Variants in PHLDB2 observed in about 807,000 individuals in gnomAD.
PHLDB2 encodes pleckstrin homology-like domain family B member 2.
In PHLDB2, 71 loss-of-function variants were observed where a neutral mutation model predicts 123.6. The ratio of observed to expected loss-of-function variants is 0.57; its 90% CI spans 0.47 to 0.70. The LOEUF (loss-of-function observed/expected upper bound fraction) is 0.70. Among genes scored for constraint, PHLDB2 ranks in the 30% least tolerant of loss-of-function variants. The pLI, the probability that PHLDB2 is intolerant of heterozygous loss-of-function variation, is 0.00. For missense variants in PHLDB2, 1,446 were observed against 1,519.5 expected (o/e 0.95, Z 0.80); for synonymous variants, 547 against 541.6 (o/e 1.01, Z -0.14).
chr3:111,782,191 G>A (rs1246161354), intron 1 of PHLDB2, among the ~76,000 whole-genome samples: 1 of 152,060 alleles, frequency 6.6e-6, no homozygotes, highest in Non-Finnish European at 1.5e-5. Context: ...CTAGAGATGG[G>A]TAATGACTGC....
intron 5 of PHLDB2, among the ~76,000 whole-genome samples, chr3:111,922,327 T>A (rs1436046327): frequency 2.6e-5 from 4 of 152,220 alleles, no homozygotes; most frequent in African/African-American, 9.6e-5. Context: ...CAATGTTAAA[T>A]CTCACTTCCC....
chr3:111,918,424 A>G (rs1334465509), intron 3 of PHLDB2, among the ~76,000 whole-genome samples: 1 of 152,250 alleles, frequency 6.6e-6, no homozygotes, highest in Non-Finnish European at 1.5e-5. Flanking sequence ...ATAGTGCACT[A>G]ACACAAAAGT....
At chr3:111,834,231 ATGTATATAATAGAAT>A (rs1559858273) in intron 1 of PHLDB2, among the ~76,000 whole-genome samples, 19 of 88,528 alleles carry the variant, frequency 2.1e-4, no homozygotes, top group South Asian at 7.7e-4. Flanking sequence ...TATATATATT[ATGTATATAATAGAAT>A]TATATATATA....
chr3:111,785,512 T>C (rs931568526), intron 1 of PHLDB2, among the ~76,000 whole-genome samples: 5 of 152,138 alleles, frequency 3.3e-5, no homozygotes, highest in African/African-American at 1.2e-4. Context: ...AATATAATAT[T>C]TTCCTCTAGT....
intron 2 of PHLDB2, among the ~76,000 whole-genome samples, chr3:111,903,607 C>T (rs1013139904): frequency 6.6e-6 from 1 of 152,118 alleles, no homozygotes; most frequent in Admixed American, 6.5e-5. Flanking sequence ...AGTTTTTAGG[C>T]GTGCTTGTTA....
intron 1 of PHLDB2, among the ~76,000 whole-genome samples, chr3:111,825,060 A>T (rs2062590869): frequency 6.6e-6 from 1 of 152,244 alleles, no homozygotes; most frequent in Non-Finnish European, 1.5e-5. Flanking sequence ...TAAACCCCTG[A>T]GAAGAAATTT....
At chr3:111,837,627 G>A (rs991993306) in intron 1 of PHLDB2, among the ~76,000 whole-genome samples, 4 of 152,138 alleles carry the variant, frequency 2.6e-5, no homozygotes, top group African/African-American at 4.8e-5. Context: ...AAACTCCTTA[G>A]TTTTTTTATG....
At chr3:111,926,336 G>A (rs1200146848) in intron 5 of PHLDB2, among the ~76,000 whole-genome samples, 1 of 152,164 alleles carries the variant, frequency 6.6e-6, no homozygotes, top group African/African-American at 2.4e-5. Context: ...GAAAGACAGT[G>A]AGCCTAGCCC....
chr3:111,855,240 A>G (rs138867539), upstream of PHLDB2, among the ~76,000 whole-genome samples: 912 of 152,322 alleles, frequency 6.0e-3, 8 homozygotes, highest in African/African-American at 0.02. Flanking sequence ...TAACCACTAC[A>G]GATCCTGGAG....
intron 6 of PHLDB2, among the ~76,000 whole-genome samples, chr3:111,934,711 T>C (rs1293104469): frequency 6.6e-6 from 1 of 152,200 alleles, no homozygotes; most frequent in Non-Finnish European, 1.5e-5. Context: ...GTAGTTGATA[T>C]GGGCACAGCA....
Position 111,788,964 on chromosome 3 carries a change from G to A in PHLDB2, c.-49+56261G>A, listed in dbSNP as rs181786358. On this transcript the variant is annotated intron_variant, in intron 1 of 17. Coordinates refer to the PHLDB2 transcript ENST00000393923. Reference sequence around the variant, plus strand: ...TCCATTTTCTTTCCTTGTTGGCAGAGGAAAAACATTGCAAGATCGTGGGTA... The same window carrying A: ...TCCATTTTCTTTCCTTGTTGGCAGAAGAAAAACATTGCAAGATCGTGGGTA... Among the ~76,000 whole-genome samples the A allele has an allele frequency of 5.9e-5, 9 of 152,258 alleles. No homozygotes were observed. In the East Asian group the frequency reaches 1.4e-3, roughly 23 times the overall value.
chr3:111,923,049 A>T (rs564571148), intron 5 of PHLDB2, among the ~76,000 whole-genome samples: 1 of 152,316 alleles, frequency 6.6e-6, no homozygotes, highest in African/African-American at 2.4e-5. Flanking sequence ...TTATCGATTA[A>T]CGATAAGCTA....
intron 1 of PHLDB2, among the ~76,000 whole-genome samples, chr3:111,837,643 A>G (rs2063478537): frequency 6.6e-6 from 1 of 152,208 alleles, no homozygotes; most frequent in African/African-American, 2.4e-5. Context: ...TTATGGGATC[A>G]TTCTGTTAAA....
intron 1 of PHLDB2, among the ~76,000 whole-genome samples, chr3:111,824,679 G>A (rs1424073346): frequency 1.3e-5 from 2 of 152,196 alleles, no homozygotes; most frequent in African/African-American, 2.4e-5. Flanking sequence ...ACCTAGAGCT[G>A]AAAAGCATCT....
intron 1 of PHLDB2, among the ~76,000 whole-genome samples, chr3:111,751,590 G>A (rs534509141): frequency 1.1e-4 from 16 of 149,910 alleles, no homozygotes; most frequent in African/African-American, 3.9e-4. Flanking sequence ...TGGAGACACA[G>A]CCCATGAATC....
At chr3:111,840,262 G>T (rs1452178621) in intron 1 of PHLDB2, among the ~76,000 whole-genome samples, 2 of 151,774 alleles carry the variant, frequency 1.3e-5, no homozygotes, top group East Asian at 3.9e-4. Flanking sequence ...AAAAAAATTT[G>T]TTTAATAAAA....
intron 1 of PHLDB2, among the ~76,000 whole-genome samples, chr3:111,809,807 A>T (rs1272030019): frequency 6.6e-6 from 1 of 152,190 alleles, no homozygotes; most frequent in Non-Finnish European, 1.5e-5. Flanking sequence ...AATAGTCATG[A>T]TGTAATAAAA....
chr3:111,758,486 G>T (rs963881547), intron 1 of PHLDB2, among the ~76,000 whole-genome samples: 1 of 152,148 alleles, frequency 6.6e-6, no homozygotes, highest in Non-Finnish European at 1.5e-5. Flanking sequence ...GGAGTGACCC[G>T]ATTTTCCAGG....
intron 1 of PHLDB2, among the ~76,000 whole-genome samples, chr3:111,742,426 C>T (rs2059618888): frequency 6.6e-6 from 1 of 152,216 alleles, no homozygotes; most frequent in South Asian, 2.1e-4. Context: ...TCGTCATTTA[C>T]ATTAGGTATA....
Sources: gnomAD v4.1 joint callset for allele counts (sites outside exome capture counted in the v4.1 genomes callset) on GRCh38, gnomAD v4.1.1 for gene constraint, MANE v1.5 for transcripts, NCBI Gene and HGNC (gene_info 2026-07-23, HGNC 2026-07-21) for gene names.